Variants in TRPV6 observed in about 807,000 individuals in gnomAD.
TRPV6 encodes Alu-binding protein with zinc finger domain.
In TRPV6, 39 loss-of-function variants were observed where a neutral mutation model predicts 79.0. The ratio of observed to expected loss-of-function variants is 0.49; its 90% CI spans 0.38 to 0.64. TRPV6 has a LOEUF of 0.64. Ranked by LOEUF, TRPV6 falls within the 30% of genes least tolerant of loss-of-function variation. The probability of loss-of-function intolerance (pLI) is 0.00; values close to 1 mark genes in which losing one functional copy is unlikely to be tolerated. For missense variants in TRPV6, 813 were observed against 1,011.1 expected (o/e 0.80, Z 2.66); for synonymous variants, 373 against 391.9 (o/e 0.95, Z 0.57).
At position 142,878,300 on chromosome 7, in the gene TRPV6, G is replaced by A. The variant is rs1795122231; in HGVS notation, c.249-274C>T. The stretch of plus-strand genomic sequence containing the variant: ...GGGTCCTGGGACCAGAATGTATCAT[G>A]TGTGAATGTATTATCAGTGCATTTC... On this transcript the variant is annotated intron_variant, in intron 1 of 14. Transcript: ENST00000359396. The A allele has an allele frequency of 7.7e-6, 4 of 520,148 alleles. No individual in the cohort carries two copies. The East Asian group carries it at 1.4e-4, about 18-fold the overall frequency. The allele number at this position is 520,148 out of a possible 1,614,324, so 32.2% of individuals were successfully genotyped here.
rs1248558967 is a variant in TRPV6, at chr7:142,871,535, G to GT, written c.*171dup. On this transcript the variant is annotated 3_prime_UTR_variant, in exon 15 of 15. Coordinates refer to ENST00000359396, the MANE Select transcript of TRPV6 (RefSeq NM_018646.6). ...CTTCCTCTGCCCCAGAGCTGAAGGAGTAATGCAGGCCTGGAGCAGTGATTC... is the reference window on the plus strand; with the variant it reads ...CTTCCTCTGCCCCAGAGCTGAAGGAGTTAATGCAGGCCTGGAGCAGTGATTC... 9.9e-6 allele frequency: 8 copies of GT among 810,410 alleles called. No individual in the cohort carries two copies. Among genetic ancestry groups the GT allele is most frequent in the Non-Finnish European group, 1.5e-5 (8 of 532,450 alleles). The allele number at this position is 810,410 out of a possible 1,614,324, so 50.2% of individuals were successfully genotyped here. A position where few individuals can be genotyped will look rare whatever the true frequency, so the allele number is the denominator to read the frequency against.
At chr7:142,874,766 A>G (rs1254046251) in intron 10 of TRPV6, 110 bp from the exon 11 acceptor site, 29 of 1,551,102 alleles carry the variant, frequency 1.9e-5, no homozygotes, top group Non-Finnish European at 2.0e-5. Context: ...CAGCCTCCCC[A>G]CACTCAATGC....
chr7:142,885,544 C>T lies in TRPV6; in HGVS notation c.93G>A (p.Gln31=), dbSNP rs1365012039. 6.3e-7 allele frequency: 1 copy of T among 1,585,510 alleles called. No homozygotes were observed. The highest frequency in any genetic ancestry group is 8.6e-7 in the Non-Finnish European group (1 of 1,164,330). ...GGTGTAGGGCCGGCTCCTTGGGGGC[C>T]TGAGGCCGAGGCCAGACCCTGACGG... The change falls in exon 1 of 15, where the codon CAG becomes CAA. Residue 31 remains glutamine, a synonymous_variant. Transcript: ENST00000359396.
At chr7:142,874,762 C>T in intron 10 of TRPV6, 106 bp from the exon 11 acceptor site, 1 of 1,553,992 alleles carries the variant, frequency 6.4e-7, no homozygotes, top group Non-Finnish European at 8.8e-7. Context: ...GATTCAGCCT[C>T]CCCACACTCA....
Position 142,876,897 on chromosome 7 carries a change from T to C in TRPV6, c.608-60A>G, listed in dbSNP as rs1795087112. 3 of 1,592,214 alleles carry C rather than the reference T, an allele frequency of 1.9e-6. 1 individual carries two copies. The South Asian group carries it at 3.4e-5, about 18-fold the overall frequency. On this transcript the variant is annotated intron_variant, in intron 4 of 14. Transcript: ENST00000359396. ...CAGGATGGCAGGATGGGGTGGACAG[T>C]CTCCCCCAAGTGACAGCCTTATCTT...
At chr7:142,877,333 G>T in intron 3 of TRPV6, 54 bp from the exon 4 acceptor site, 1 of 1,600,812 alleles carries the variant, frequency 6.2e-7, no homozygotes, top group Admixed American at 1.7e-5. Flanking sequence ...CCTGCAGGGG[G>T]TCCCTCCCAT....
chr7:142,876,803 G>A lies in TRPV6; in HGVS notation c.642C>T (p.Asn214=), dbSNP rs1203048890. The change falls in exon 5 of 15, where the codon AAC becomes AAT. Residue 214 remains asparagine, a synonymous_variant. Coordinates refer to ENST00000359396, the MANE Select transcript of TRPV6 (RefSeq NM_018646.6). ...TGAGCAGCCGCACGATCTCCTCACT[G>A]TTCACACAGGCAGCAAAGGACAAAG... 6.2e-7 allele frequency: 1 copy of A among 1,613,976 alleles called. No individual in the cohort carries two copies. Among genetic ancestry groups the A allele is most frequent in the Non-Finnish European group, 8.5e-7 (1 of 1,180,026 alleles).
chr7:142,874,942 A>C lies in TRPV6; in HGVS notation c.1368T>G (p.Phe456Leu), dbSNP rs555390644. ...ATGGGCCCCCAAGGATGGTCTGTCC[A>C]AAGAAGCGAGTGACCCCCATTCTGA... is the stretch of plus-strand genomic sequence containing the variant. The change falls in exon 10 of 15, where the codon TTT (phenylalanine) becomes TTG (leucine). Residue 456 changes from phenylalanine to leucine, a missense_variant. This residue lies in a region of TRPV6 where 555 missense variants were observed against 631.0 expected (regional missense o/e 0.88). Coordinates refer to ENST00000359396, the MANE Select transcript of TRPV6 (RefSeq NM_018646.6). 1.2e-6 allele frequency: 2 copies of C among 1,614,164 alleles called. No individual in the cohort carries two copies. The highest frequency in any genetic ancestry group is 2.2e-5 in the East Asian group (1 of 44,862).
chr7:142,875,503 G>T lies in TRPV6; in HGVS notation c.1207C>A (p.Arg403=). ...TTCTGCTGTAAGAGGGTGTTGTCCC[G>T]GGGGCTCGTGCGGTTATTGGTCCTG... The change falls in exon 8 of 15, where the codon CGG becomes AGG. Residue 403 remains arginine, a synonymous_variant. Coordinates refer to ENST00000359396, the MANE Select transcript of TRPV6 (RefSeq NM_018646.6). 1 of 1,600,232 alleles carries T rather than the reference G, an allele frequency of 6.2e-7. No individual in the cohort carries two copies. Among genetic ancestry groups the T allele is most frequent in the Non-Finnish European group, 8.5e-7 (1 of 1,174,424 alleles).
At position 142,877,215 on chromosome 7, in the gene TRPV6, G is replaced by T; in HGVS notation, c.534C>A (p.Ala178=). 6.2e-7 allele frequency: 1 copy of T among 1,614,226 alleles called. No individual in the cohort carries two copies. The highest frequency in any genetic ancestry group is 8.5e-7 in the Non-Finnish European group (1 of 1,180,038). The change falls in exon 4 of 15, where the codon GCC becomes GCA. Residue 178 remains alanine (A), a synonymous_variant. Transcript: ENST00000359396. ...CTCTGGCAGAGACACTGGCCCTGCGGGCAAGCAGGGCTCGCACCAGGTTCA... is the reference window on the plus strand; with the variant it reads ...CTCTGGCAGAGACACTGGCCCTGCGTGCAAGCAGGGCTCGCACCAGGTTCA...
chr7:142,873,397 G>A lies in TRPV6; in HGVS notation c.1908+51C>T. 1 of 1,598,446 alleles carries A rather than the reference G, an allele frequency of 6.3e-7. No homozygotes were observed. The highest frequency in any genetic ancestry group is 8.5e-7 in the Non-Finnish European group (1 of 1,169,790). On this transcript the variant is annotated intron_variant, in intron 13 of 14. Transcript: ENST00000359396. This position sits in a 1 kb window ranked among gnomAD's most constrained non-coding sequence, Gnocchi z 4.8. Reference sequence around the variant, plus strand: ...TGTCTCTCAGCTTGGCAGGTTCCTTGGTAGGAAGGGGATGACTTGCCCTAA... The same window carrying A: ...TGTCTCTCAGCTTGGCAGGTTCCTTAGTAGGAAGGGGATGACTTGCCCTAA...
At position 142,871,495 on chromosome 7, in the gene TRPV6, C is replaced by A. The variant is rs1191217927; in HGVS notation, c.*212G>T. 2.5e-5 allele frequency: 15 copies of A among 595,650 alleles called. No individual in the cohort carries two copies. Among genetic ancestry groups the A allele is most frequent in the Non-Finnish European group, 3.2e-5 (11 of 348,294 alleles). 36.9% of individuals were successfully genotyped at this position (595,650 alleles called of 1,614,324 possible). On this transcript the variant is annotated 3_prime_UTR_variant, in exon 15 of 15. Transcript: ENST00000359396. The stretch of plus-strand genomic sequence containing the variant: ...AGAGTTCCTCACGCCCTGCCAGCCC[C>A]GTGCTTGGGCTGGGCTTCCTCTGCC...
chr7:142,872,579 G>T, intron 13 of TRPV6, 101 bp from the exon 14 acceptor site: 2 of 1,188,564 alleles, frequency 1.7e-6, no homozygotes, highest in Non-Finnish European at 2.4e-6. Context: ...GGAGAGAGTT[G>T]ATAGAGCTTG....
rs546241604 is a variant in TRPV6, at chr7:142,871,278, G to A, written c.*429C>T. 3 of 483,548 alleles carry A rather than the reference G, an allele frequency of 6.2e-6. No individual in the cohort carries two copies. Among genetic ancestry groups the A allele is most frequent in the Admixed American group, 3.4e-5 (1 of 29,670 alleles). 30.0% of individuals were successfully genotyped at this position (483,548 alleles called of 1,614,324 possible). On this transcript the variant is annotated 3_prime_UTR_variant, in exon 15 of 15. Transcript: ENST00000359396. ...AGCCCCACTTCCCACCCCCAGAGCC[G>A]TTCCTGTCTCCCTCACTCACACGCT...
Position 142,885,370 on chromosome 7 carries a change from C to T in TRPV6, c.248+19G>A. On this transcript the variant is annotated intron_variant, in intron 1 of 14. Transcript: ENST00000359396. ...AGGCCTGGGGAGGTGGGGAAGGGAGCAGACCAAGGGGGCCTTACCTCTTCT... is the reference window on the plus strand; with the variant it reads ...AGGCCTGGGGAGGTGGGGAAGGGAGTAGACCAAGGGGGCCTTACCTCTTCT... The T allele has an allele frequency of 6.2e-7, 1 of 1,601,752 alleles. No individual in the cohort carries two copies. Among genetic ancestry groups the T allele is most frequent in the Non-Finnish European group, 8.5e-7 (1 of 1,173,036 alleles).
rs1794998088 is a variant in TRPV6 at position 142,873,940 on chromosome 7, C to T, written c.1639+136G>A. 10 of 1,131,514 alleles carry T rather than the reference C, an allele frequency of 8.8e-6. No individual in the cohort carries two copies. Among genetic ancestry groups the T allele is most frequent in the South Asian group, 2.8e-5 (2 of 71,342 alleles). The allele number at this position is 1,131,514 out of a possible 1,614,324, so 70.1% of individuals were successfully genotyped here. A position where few individuals can be genotyped will look rare whatever the true frequency, so the allele number is the denominator to read the frequency against. ...CCCGATTTTTCTCACCTCTGGAGGA[C>T]GTCCCATCCTCTGATACCATAGGTC... On this transcript the variant is annotated intron_variant, in intron 12 of 14. Coordinates refer to ENST00000359396, the MANE Select transcript of TRPV6 (RefSeq NM_018646.6). This position sits in a 1 kb window ranked among gnomAD's most constrained non-coding sequence, Gnocchi z 4.8.
At position 142,873,410 on chromosome 7, in the gene TRPV6, T is replaced by C; in HGVS notation, c.1908+38A>G. 3 of 1,604,814 alleles carry C rather than the reference T, an allele frequency of 1.9e-6. No individual in the cohort carries two copies. The highest frequency in any genetic ancestry group is 2.6e-6 in the Non-Finnish European group (3 of 1,173,648). On this transcript the variant is annotated intron_variant, in intron 13 of 14. Transcript: ENST00000359396. This position sits in a 1 kb window ranked among gnomAD's most constrained non-coding sequence, Gnocchi z 4.8. ...GGCAGGTTCCTTGGTAGGAAGGGGA[T>C]GACTTGCCCTAACCCTCCCTGCCAC...
chr7:142,876,044 G>A, intron 6 of TRPV6, 140 bp from the exon 7 acceptor site: 1 of 910,998 alleles, frequency 1.1e-6, no homozygotes, highest in South Asian at 2.0e-5. Flanking sequence ...TTAGAGGGCA[G>A]AAGAACCCAC....
intron 1 of TRPV6, chr7:142,885,135 C>T (rs1795278061): frequency 6.1e-6 from 2 of 325,648 alleles, no homozygotes; most frequent in South Asian, 7.7e-5. Context: ...TAGAGAAGTA[C>T]TCACAAGAGG....
Sources: gnomAD v4.1 joint callset for allele counts on GRCh38, gnomAD v4.1.1 for gene constraint, gnomAD v4.1.1 regional missense constraint, Gnocchi (gnomAD v3.1) non-coding constraint, MANE v1.5 for transcripts, NCBI Gene and HGNC (gene_info 2026-07-23, HGNC 2026-07-21) for gene names.